Variants in CNTN5 observed in about 807,000 individuals in gnomAD.
CNTN5 encodes contactin 5.
Under a neutral mutation model 129.1 loss-of-function variants are expected in CNTN5, and 77 were observed. That is an observed-to-expected ratio of 0.60 (90% CI 0.50 to 0.72). The LOEUF is 0.72. CNTN5 is among the 30% of genes least tolerant of loss of function. The pLI is 0.00. For missense variants in CNTN5, 1,478 were observed against 1,328.8 expected (o/e 1.11, Z -1.75); for synonymous variants, 509 against 465.6 (o/e 1.09, Z -1.20).
At chr11:99,312,316 A>T (rs572684449) in intron 1 of CNTN5, among the ~76,000 whole-genome samples, 1 of 152,218 alleles carries the variant, frequency 6.6e-6, no homozygotes, top group African/African-American at 2.4e-5. Flanking sequence ...TCCTCTAAAA[A>T]ATTATCTTGT....
At chr11:99,340,638 T>G (rs1412272679) in intron 2 of CNTN5, among the ~76,000 whole-genome samples, 3 of 152,164 alleles carry the variant, frequency 2.0e-5, no homozygotes, top group African/African-American at 2.4e-5. Flanking sequence ...GCGTAGAAGT[T>G]ATGGTTGAAC....
rs1184570994 is a variant in CNTN5, at chr11:100,045,041, G to A, written c.981-16171G>A. Reference sequence around the variant, plus strand: ...GCAGTTTTCTCTCCTACTGCAAGAAGTCTTTTAACATGCCACCTGTAATCT... The same window carrying A: ...GCAGTTTTCTCTCCTACTGCAAGAAATCTTTTAACATGCCACCTGTAATCT... On this transcript the variant is annotated intron_variant, in intron 9 of 24. Transcript: ENST00000524871. 2.6e-5 allele frequency among the ~76,000 whole-genome samples: 4 copies of A among 151,938 alleles called. No individual in the cohort carries two copies. In the South Asian group the frequency reaches 8.3e-4, roughly 32 times the overall value.
At chr11:99,408,456 A>AAGAAAGAAAG (rs1565557968) in intron 2 of CNTN5, among the ~76,000 whole-genome samples, 29 of 124,132 alleles carry the variant, frequency 2.3e-4, no homozygotes, top group East Asian at 1.2e-3. Flanking sequence ...AAGAGAAAGA[A>AAGAAAGAAAG]AGAAAGAAAG....
Position 99,783,970 on chromosome 11 carries a change from T to TA in CNTN5, c.56-35564dup, listed in dbSNP as rs77183573. On this transcript the variant is annotated intron_variant, in intron 3 of 24. Transcript: ENST00000524871. ...ATGTACCCTAAAATGTAAAGTATAA[T>TA]AAAAAAAAAAGTATGAAATACCTAG... 2.1e-3 allele frequency among the ~76,000 whole-genome samples: 307 copies of TA among 147,392 alleles called. 1 individual carries two copies. The highest frequency in any genetic ancestry group is 6.4e-3 in the South Asian group (30 of 4,694).
intron 7 of CNTN5, among the ~76,000 whole-genome samples, chr11:99,950,686 G>C (rs1395095561): frequency 6.6e-6 from 1 of 152,178 alleles, no homozygotes; most frequent in Admixed American, 6.5e-5. Context: ...ATGCTAGATA[G>C]TTTATCCTGA....
At chr11:99,522,942 A>G (rs888637093) in intron 2 of CNTN5, among the ~76,000 whole-genome samples, 1 of 152,190 alleles carries the variant, frequency 6.6e-6, no homozygotes, top group African/African-American at 2.4e-5. Flanking sequence ...AGACCATTCA[A>G]TAACCTCTCC....
At chr11:99,452,712 A>ATTGTG (rs1944353867) in intron 2 of CNTN5, among the ~76,000 whole-genome samples, 1 of 152,070 alleles carries the variant, frequency 6.6e-6, no homozygotes, top group South Asian at 2.1e-4. Context: ...AATGTCCTTA[A>ATTGTG]GTATTGTGGT....
At chr11:100,282,987 G>A (rs1384319971) in intron 18 of CNTN5, among the ~76,000 whole-genome samples, 3 of 152,146 alleles carry the variant, frequency 2.0e-5, no homozygotes, top group Admixed American at 6.5e-5. Flanking sequence ...CAGGGCAATG[G>A]GCTCCCTTCT....
intron 7 of CNTN5, among the ~76,000 whole-genome samples, chr11:99,927,607 A>C (rs1373855505): frequency 6.6e-6 from 1 of 152,138 alleles, no homozygotes; most frequent in African/African-American, 2.4e-5. Flanking sequence ...AAAGCCCCTT[A>C]CAAAACCTTC....
chr11:99,527,418 C>T (rs959306475), intron 2 of CNTN5, among the ~76,000 whole-genome samples: 1 of 151,976 alleles, frequency 6.6e-6, no homozygotes, highest in Admixed American at 6.6e-5. Context: ...TCAGAGACAC[C>T]AAGTCTTTAA....
chr11:100,063,879 A>G (rs901018261), intron 10 of CNTN5, among the ~76,000 whole-genome samples: 1 of 152,030 alleles, frequency 6.6e-6, no homozygotes, highest in Non-Finnish European at 1.5e-5. Flanking sequence ...ACCCTGTCTT[A>G]AAAAATATTA....
intron 9 of CNTN5, among the ~76,000 whole-genome samples, chr11:100,051,202 C>G (rs912872866): frequency 6.6e-6 from 1 of 152,032 alleles, no homozygotes; most frequent in African/African-American, 2.4e-5. Context: ...GCAGAATACA[C>G]TTATCTGCAC....
rs761277452 is a variant in CNTN5 at position 100,307,805 on chromosome 11, G to T, written c.2621-554G>T. Among the ~76,000 whole-genome samples, 51 of 151,512 alleles carry T rather than the reference G, an allele frequency of 3.4e-4. 1 individual carries two copies. Among genetic ancestry groups the T allele is most frequent in the Non-Finnish European group, 3.2e-4 (22 of 67,734 alleles). ...AAATAATAATAATATGGTATTTTGT[G>T]AATGAACATTTTTAACGCCAAGCAC... On this transcript the variant is annotated intron_variant, in intron 20 of 24. Transcript: ENST00000524871.
intron 1 of CNTN5, among the ~76,000 whole-genome samples, chr11:99,249,324 G>A (rs111547767): frequency 6.6e-6 from 1 of 152,054 alleles, no homozygotes; most frequent in Non-Finnish European, 1.5e-5. Context: ...TTTGTATCCT[G>A]AGACTTTGCT....
At chr11:99,451,934 T>G (rs1368717926) in intron 2 of CNTN5, among the ~76,000 whole-genome samples, 1 of 152,194 alleles carries the variant, frequency 6.6e-6, no homozygotes, top group East Asian at 1.9e-4. Context: ...GGAGAAACAA[T>G]TAATTTCCTT....
intron 6 of CNTN5, among the ~76,000 whole-genome samples, chr11:99,877,982 G>A (rs1047974156): frequency 6.6e-6 from 1 of 152,130 alleles, no homozygotes; most frequent in Non-Finnish European, 1.5e-5. Context: ...ATATTAAGCA[G>A]TCTACTTCAA....
chr11:99,798,289 A>G (rs983922728), intron 3 of CNTN5, among the ~76,000 whole-genome samples: 1 of 151,700 alleles, frequency 6.6e-6, no homozygotes, highest in Non-Finnish European at 1.5e-5. Context: ...TGCAAAAGAA[A>G]TGATCTCATT....
intron 1 of CNTN5, among the ~76,000 whole-genome samples, chr11:99,300,752 G>C (rs954584742): frequency 1.3e-5 from 2 of 151,930 alleles, no homozygotes; most frequent in Non-Finnish European, 2.9e-5. Context: ...AGGCTGACAT[G>C]AAACAGCAGT....
intron 1 of CNTN5, among the ~76,000 whole-genome samples, chr11:99,215,833 A>T (rs1204767049): frequency 6.6e-6 from 1 of 152,140 alleles, no homozygotes; most frequent in Non-Finnish European, 1.5e-5. Flanking sequence ...GCAGGTTCTG[A>T]AAATCTGGTG....
Sources: gnomAD v4.1 joint callset for allele counts (sites outside exome capture counted in the v4.1 genomes callset) on GRCh38, gnomAD v4.1.1 for gene constraint, MANE v1.5 for transcripts, NCBI Gene and HGNC (gene_info 2026-07-23, HGNC 2026-07-21) for gene names.